LINGO2: variants seen among roughly 807,000 people sequenced by gnomAD.
LINGO2 encodes the protein leucine-rich repeat and immunoglobulin-like domain-containing nogo receptor-interacting protein 2.
LINGO2 carries 14 observed loss-of-function variants against 30.6 expected under a neutral mutation model. That is an observed-to-expected ratio of 0.46 (90% confidence interval 0.30 to 0.72). The LOEUF is 0.72. Among genes scored for constraint, LINGO2 ranks in the 30% least tolerant of loss-of-function variants. The pLI, the probability that LINGO2 is intolerant of heterozygous loss-of-function variation, is 0.07. For synonymous variants in LINGO2, 317 were observed against 288.5 expected (o/e 1.10, Z -1.00); for missense variants, 729 against 751.7 (o/e 0.97, Z 0.35).
chr9:29,146,248 C>G, the LINGO2 span, among the ~76,000 whole-genome samples: 1 of 151,974 alleles, frequency 6.6e-6, no homozygotes, highest in Non-Finnish European at 1.5e-5. Context: ...CCCAGCTACT[C>G]GGGAGGCTGA....
chr9:28,590,105 T>C (rs1289132411), intron 1 of LINGO2, among the ~76,000 whole-genome samples: 1 of 152,056 alleles, frequency 6.6e-6, no homozygotes, highest in Non-Finnish European at 1.5e-5. Flanking sequence ...TAGCCATATG[T>C]AGAAAGCTGA....
chr9:29,105,973 C>A, the LINGO2 span, among the ~76,000 whole-genome samples: 1 of 152,174 alleles, frequency 6.6e-6, no homozygotes, highest in Non-Finnish European at 1.5e-5. Flanking sequence ...CACATACAAA[C>A]TGACAGCTTT....
intron 1 of LINGO2, among the ~76,000 whole-genome samples, chr9:28,602,419 C>CA: frequency 6.6e-6 from 1 of 152,064 alleles, no homozygotes; most frequent in Admixed American, 6.6e-5. Context: ...GATAGAGACC[C>CA]AGTTATCAAA....
chr9:28,025,195 A>G (rs1823318682), intron 4 of LINGO2, among the ~76,000 whole-genome samples: 1 of 152,172 alleles, frequency 6.6e-6, no homozygotes, highest in Non-Finnish European at 1.5e-5. Context: ...TGTGATTTGG[A>G]ATTTCATTCA....
exon 6 of LINGO2, chr9:27,948,853 A>T: frequency 1.2e-6 from 2 of 1,605,466 alleles, no homozygotes; most frequent in Non-Finnish European, 1.7e-6. Flanking sequence ...GTGGGCCTTC[A>T]AATCATTTTC....
the LINGO2 span, among the ~76,000 whole-genome samples, chr9:28,706,431 T>A: frequency 0.27 from 41,259 of 152,036 alleles, 7,735 homozygotes; most frequent in African/African-American, 0.51. Context: ...TAGAATATTT[T>A]AAAAAATTAA....
At chr9:28,880,139 C>T in the LINGO2 span, among the ~76,000 whole-genome samples, 33 of 152,124 alleles carry the variant, frequency 2.2e-4, no homozygotes, top group Admixed American at 6.6e-4. Context: ...GACTGAGTCT[C>T]GCTCTGTCGC....
chr9:28,625,582 T>A (rs1211223401), intron 1 of LINGO2, among the ~76,000 whole-genome samples: 1 of 152,176 alleles, frequency 6.6e-6, no homozygotes, highest in Non-Finnish European at 1.5e-5. Flanking sequence ...TCTCTATGAG[T>A]ATGTTCTCTA....
At chr9:28,693,109 C>T in the LINGO2 span, among the ~76,000 whole-genome samples, 1 of 152,026 alleles carries the variant, frequency 6.6e-6, no homozygotes, top group South Asian at 2.1e-4. Flanking sequence ...CCTCTACTAA[C>T]CTCCCGGGCA....
At chr9:28,747,661 CCGAA>C in the LINGO2 span, among the ~76,000 whole-genome samples, 1 of 152,036 alleles carries the variant, frequency 6.6e-6, no homozygotes, top group Admixed American at 6.5e-5. Flanking sequence ...CATGCAGTGG[CCGAA>C]CAGAGAGCAA....
At chr9:28,929,898 T>G in the LINGO2 span, among the ~76,000 whole-genome samples, 1 of 152,208 alleles carries the variant, frequency 6.6e-6, no homozygotes, top group Admixed American at 6.5e-5. Flanking sequence ...GATAGATGTC[T>G]GATCTTCACC....
the LINGO2 span, among the ~76,000 whole-genome samples, chr9:28,961,614 T>G: frequency 6.6e-6 from 1 of 152,146 alleles, no homozygotes; most frequent in East Asian, 1.9e-4. Context: ...AAAATGAACC[T>G]CCTGTAATGA....
intron 4 of LINGO2, among the ~76,000 whole-genome samples, chr9:28,265,608 C>T (rs1197176322): frequency 6.6e-6 from 1 of 151,908 alleles, no homozygotes; most frequent in East Asian, 1.9e-4. Flanking sequence ...ATGACACATG[C>T]AACTTCTCAA....
intron 3 of LINGO2, among the ~76,000 whole-genome samples, chr9:28,349,668 G>A (rs1466476490): frequency 1.4e-5 from 2 of 138,078 alleles, no homozygotes; most frequent in African/African-American, 2.7e-5. Flanking sequence ...GATACTCCTC[G>A]AGAAGAGCAA....
At chr9:28,764,374 A>G in the LINGO2 span, among the ~76,000 whole-genome samples, 1 of 151,986 alleles carries the variant, frequency 6.6e-6, no homozygotes, top group Non-Finnish European at 1.5e-5. Context: ...AATGTGATAT[A>G]CCACATTATC....
At chr9:28,313,801 C>T (rs945836415) in intron 3 of LINGO2, among the ~76,000 whole-genome samples, 1 of 152,150 alleles carries the variant, frequency 6.6e-6, no homozygotes, top group Non-Finnish European at 1.5e-5. Flanking sequence ...GAAGTCCTAT[C>T]CACATTATTA....
At chr9:28,538,468 G>T (rs1014689694) in intron 1 of LINGO2, among the ~76,000 whole-genome samples, 2 of 151,938 alleles carry the variant, frequency 1.3e-5, no homozygotes, top group African/African-American at 2.4e-5. Flanking sequence ...AACTGTCAAA[G>T]TATAAAAATA....
intron 3 of LINGO2, among the ~76,000 whole-genome samples, chr9:28,319,484 T>C (rs1383272116): frequency 6.6e-6 from 1 of 151,248 alleles, no homozygotes; most frequent in Non-Finnish European, 1.5e-5. Flanking sequence ...GATTTATAAG[T>C]TTCAGGGATT....
chr9:28,813,411 T>A, the LINGO2 span, among the ~76,000 whole-genome samples: 1 of 152,214 alleles, frequency 6.6e-6, no homozygotes, highest in Non-Finnish European at 1.5e-5. Context: ...ATGTGGTTTC[T>A]CTCTCCATAG....
Sources: allele counts gnomAD v4.1 joint callset (sites outside exome capture counted in the v4.1 genomes callset), GRCh38; gene constraint gnomAD v4.1.1; transcripts MANE v1.5; gene names NCBI Gene and HGNC (gene_info 2026-07-23, HGNC 2026-07-21).